Variants in ATP2C2 observed in about 807,000 individuals in gnomAD.
ATP2C2 encodes ATPase secretory pathway Ca2+ transporting 2, also known as calcium-transporting ATPase type 2C member 2.
Under a neutral mutation model 110.8 loss-of-function variants are expected in ATP2C2, and 171 were observed. That is an observed-to-expected ratio of 1.54 (90% CI 1.36 to 1.75). The LOEUF is 1.75. Among genes scored for constraint, ATP2C2 ranks in the 40% most tolerant of loss-of-function variants. ATP2C2 has a pLI of 0.00. For synonymous variants in ATP2C2, 804 were observed against 508.4 expected (o/e 1.58, Z -7.82); for missense variants, 1,963 against 1,235.0 (o/e 1.59, Z -8.84).
chr16:84,413,094 G>A (rs1317036370), intron 6 of ATP2C2, among the ~76,000 whole-genome samples: 3 of 113,992 alleles, frequency 2.6e-5, no homozygotes, highest in African/African-American at 6.4e-5. Context: ...GCGAAACTCT[G>A]TCTCAAAAAA....
intron 11 of ATP2C2, among the ~76,000 whole-genome samples, chr16:84,433,349 C>G (rs990920402): frequency 6.6e-6 from 1 of 152,038 alleles, no homozygotes; most frequent in African/African-American, 2.4e-5. Flanking sequence ...TGCCACTGCA[C>G]TCCAACCTGG....
chr16:84,445,073 G>A (rs531256497), intron 15 of ATP2C2, among the ~76,000 whole-genome samples: 2 of 152,254 alleles, frequency 1.3e-5, no homozygotes, highest in East Asian at 3.9e-4. Context: ...GCCAGGCTCC[G>A]TCTCCCAGTT....
intron 4 of ATP2C2, among the ~76,000 whole-genome samples, chr16:84,409,890 C>A (rs1278686111): frequency 1.3e-5 from 2 of 152,164 alleles, no homozygotes; most frequent in African/African-American, 2.4e-5. Context: ...TCATTCCACA[C>A]GATGGAATTT....
At chr16:84,416,592 C>T (rs1055602076) in intron 7 of ATP2C2, among the ~76,000 whole-genome samples, 3 of 152,154 alleles carry the variant, frequency 2.0e-5, no homozygotes, top group Admixed American at 6.5e-5. Context: ...GGGGCCAGGG[C>T]TTATGTGTGG....
Position 84,439,240 on chromosome 16 carries a change from TG to T in ATP2C2, c.1063del (p.Ala355ProfsTer7). On this transcript the variant is annotated frameshift_variant, in exon 12 of 27. Coordinates refer to ENST00000262429, the MANE Select transcript of ATP2C2 (RefSeq NM_014861.4). LOFTEE classifies it high-confidence loss of function. ...MVTLVLGVLR[M>X]AKKRVIVKKL... ...ACGCTGGTCCTGGGAGTGCTGCGGATGGCCAAGAAGCGGGTCATCGTGAAGA... is the reference window on the plus strand; with the variant it reads ...ACGCTGGTCCTGGGAGTGCTGCGGATGCCAAGAAGCGGGTCATCGTGAAGA... 6.2e-7 allele frequency: 1 copy of T among 1,612,352 alleles called. No individual in the cohort carries two copies. The highest frequency in any genetic ancestry group is 8.5e-7 in the Non-Finnish European group (1 of 1,180,030).
intron 1 of ATP2C2, among the ~76,000 whole-genome samples, chr16:84,397,662 A>AAAAAAAAAAAAAAAAAAAAAAAAAAC (rs1567694759): frequency 2.0e-5 from 3 of 146,614 alleles, no homozygotes; most frequent in African/African-American, 7.5e-5. Flanking sequence ...TGACAAAAAA[A>AAAAAAAAAAAAAAAAAAAAAAAAAAC]AAAAAAAAAA....
chr16:84,382,145 C>T (rs1910612677), intron 1 of ATP2C2, among the ~76,000 whole-genome samples: 1 of 152,114 alleles, frequency 6.6e-6, no homozygotes, highest in African/African-American at 2.4e-5. Context: ...CTCCCCACAC[C>T]CCCTGACAGG....
chr16:84,413,782 G>C (rs947872407), intron 6 of ATP2C2, among the ~76,000 whole-genome samples: 5 of 151,982 alleles, frequency 3.3e-5, no homozygotes, highest in Admixed American at 6.6e-5. Flanking sequence ...GGGAAACCCT[G>C]CTGTGCGGGA....
At chr16:84,383,760 T>TGTGTGTG (rs1246366949) in intron 1 of ATP2C2, among the ~76,000 whole-genome samples, 42 of 146,216 alleles carry the variant, frequency 2.9e-4, no homozygotes, top group Middle Eastern at 3.5e-3. Context: ...TATGTGTGTG[T>TGTGTGTG]TGGGGGTGGG....
chr16:84,451,445 C>T (rs1279997574), intron 17 of ATP2C2, among the ~76,000 whole-genome samples: 1 of 152,246 alleles, frequency 6.6e-6, no homozygotes, highest in Non-Finnish European at 1.5e-5. Flanking sequence ...CTGCGCAGGC[C>T]TGAGAGCCGC....
chr16:84,412,017 T>A (rs556536011), intron 6 of ATP2C2, among the ~76,000 whole-genome samples: 4 of 151,974 alleles, frequency 2.6e-5, no homozygotes. Context: ...CTTTTTGTTG[T>A]TGTTGTTGTT....
At chr16:84,415,437 C>G (rs1375635678) in intron 6 of ATP2C2, 46 bp from the exon 7 acceptor site, 2 of 1,526,882 alleles carry the variant, frequency 1.3e-6, no homozygotes, top group East Asian at 2.2e-5. Flanking sequence ...TGCATAAAAA[C>G]AAATGTCAGC....
intron 21 of ATP2C2, 152 bp downstream of exon 21, chr16:84,455,136 C>T (rs1597874843): frequency 4.1e-6 from 4 of 980,298 alleles, no homozygotes; most frequent in Non-Finnish European, 6.0e-6. Flanking sequence ...GGCAGGTGCC[C>T]CCAACCCCAA....
At chr16:84,392,561 C>T (rs770250030) in intron 1 of ATP2C2, among the ~76,000 whole-genome samples, 9 of 152,188 alleles carry the variant, frequency 5.9e-5, no homozygotes, top group South Asian at 2.1e-4. Flanking sequence ...CTCCTGAGTT[C>T]AAGTGATTCT....
chr16:84,442,450 A>T (rs996493357), intron 14 of ATP2C2, 60 bp from the exon 15 acceptor site: 4 of 1,536,072 alleles, frequency 2.6e-6, no homozygotes, highest in Non-Finnish European at 3.6e-6. Flanking sequence ...CAGGCCCACA[A>T]TGTCTAACTT....
At chr16:84,396,735 A>C (rs111432442) in intron 1 of ATP2C2, among the ~76,000 whole-genome samples, 1 of 151,646 alleles carries the variant, frequency 6.6e-6, no homozygotes, top group East Asian at 1.9e-4. Context: ...AATGGGGGGA[A>C]AAGTCTTGTG....
At chr16:84,382,894 TAAAAAA>T (rs1170344466) in intron 1 of ATP2C2, among the ~76,000 whole-genome samples, 7 of 91,754 alleles carry the variant, frequency 7.6e-5, no homozygotes, top group South Asian at 7.7e-4. Flanking sequence ...AGACTCCATC[TAAAAAA>T]AAAAAAAAAA....
chr16:84,431,788 G>C (rs1217373661), intron 11 of ATP2C2, among the ~76,000 whole-genome samples: 2 of 152,126 alleles, frequency 1.3e-5, no homozygotes, highest in Non-Finnish European at 2.9e-5. Context: ...GCCACGCCAG[G>C]CTGTCTCTGT....
At chr16:84,426,383 G>T (rs894727173) in intron 11 of ATP2C2, among the ~76,000 whole-genome samples, 1 of 152,142 alleles carries the variant, frequency 6.6e-6, no homozygotes, top group Non-Finnish European at 1.5e-5. Context: ...CTCCAACACT[G>T]GGGCTTATGT....
Sources: allele counts gnomAD v4.1 joint callset (sites outside exome capture counted in the v4.1 genomes callset), GRCh38; gene constraint gnomAD v4.1.1; transcripts MANE v1.5; gene names NCBI Gene and HGNC (gene_info 2026-07-23, HGNC 2026-07-21).